AIG1: variants seen among roughly 807,000 people sequenced by gnomAD.
AIG1 encodes the protein androgen induced 1, also known as androgen-induced gene 1 protein.
In AIG1, 23 loss-of-function variants were observed where a neutral mutation model predicts 31.4. The observed-to-expected ratio is 0.73, with a 90% CI of 0.53 to 1.04. AIG1 has a LOEUF of 1.04. Ranked by LOEUF, AIG1 falls within the 50% of genes least tolerant of loss-of-function variation. AIG1 has a pLI of 0.00. For missense variants in AIG1, 274 were observed against 295.0 expected (o/e 0.93, Z 0.52); for synonymous variants, 100 against 110.5 (o/e 0.90, Z 0.60).
chr6:143,253,555 G>A (rs759730788), intron 3 of AIG1, among the ~76,000 whole-genome samples: 19 of 152,184 alleles, frequency 1.2e-4, no homozygotes, highest in Admixed American at 3.3e-4. Flanking sequence ...CTCATTAACT[G>A]TTTCCCACAG....
chr6:143,133,366 A>T (rs760158512), intron 1 of AIG1, among the ~76,000 whole-genome samples: 2 of 152,026 alleles, frequency 1.3e-5, no homozygotes, highest in Non-Finnish European at 2.9e-5. Context: ...GGCCTCTTCT[A>T]TGTGATTAGT....
rs531381665 is a variant in AIG1, at chr6:143,328,832, G to A, written c.516-4450G>A. ...ATTATGCTAATATGTGCATATATATGTATGCACACATATCATGGTTATTGA... is the reference window on the plus strand; with the variant it reads ...ATTATGCTAATATGTGCATATATATATATGCACACATATCATGGTTATTGA... On this transcript the variant is annotated intron_variant, in intron 4 of 5. Coordinates refer to ENST00000357847, the MANE Select transcript of AIG1 (RefSeq NM_016108.4). The surrounding 1 kb of genome is among the most constrained non-coding windows in gnomAD (Gnocchi z 4.0). Among the ~76,000 whole-genome samples the A allele has an allele frequency of 5.8e-4, 88 of 152,264 alleles. No individual in the cohort carries two copies. Among genetic ancestry groups the A allele is most frequent in the Non-Finnish European group, 1.1e-3 (78 of 68,020 alleles).
rs1554272164 is a variant in AIG1, at chr6:143,340,459, A to AC, written c.*783_*784insC. ...AATCTTTTTGATAACTCCAAAACAA[A>AC]TTTTTTTTTTCTTTTTTTCCAGATG... On this transcript the variant is annotated 3_prime_UTR_variant, in exon 6 of 6. Transcript: ENST00000357847. 6.6e-6 allele frequency among the ~76,000 whole-genome samples: 1 copy of AC among 150,832 alleles called. No individual in the cohort carries two copies. The highest frequency in any genetic ancestry group is 1.5e-5 in the Non-Finnish European group (1 of 67,670).
At chr6:143,188,364 G>A (rs993421627) in intron 3 of AIG1, 1 of 985,496 alleles carries the variant, frequency 1.0e-6, no homozygotes, top group Non-Finnish European at 1.2e-6. Context: ...GCTGCATAAT[G>A]TCGCCTGATT....
chr6:143,061,238 C>T (rs1412777771), intron 1 of AIG1, 172 bp downstream of exon 1: 3 of 833,024 alleles, frequency 3.6e-6, no homozygotes, highest in South Asian at 2.8e-5. Context: ...GGCCTGGCTG[C>T]CCCCGCAGCG....
intron 2 of AIG1, among the ~76,000 whole-genome samples, chr6:143,145,325 G>A (rs1784611602): frequency 2.0e-5 from 3 of 152,146 alleles, no homozygotes; most frequent in Admixed American, 2.0e-4. Flanking sequence ...TGCCCAGCCA[G>A]TATTTTCATT....
rs1468663813 is a variant in AIG1 at position 143,338,886 on chromosome 6, C to T, written c.680-753C>T. ...GTATGATTCAAAAAATGTTTAGGTACAAGAAAAAGAAAAAAGCAAGAAGCA... is the reference window on the plus strand; with the variant it reads ...GTATGATTCAAAAAATGTTTAGGTATAAGAAAAAGAAAAAAGCAAGAAGCA... On this transcript the variant is annotated intron_variant, in intron 5 of 5. Coordinates refer to ENST00000357847, the MANE Select transcript of AIG1 (RefSeq NM_016108.4). This position sits in a 1 kb window ranked among gnomAD's most constrained non-coding sequence, Gnocchi z 4.3. 1.3e-5 allele frequency: 2 copies of T among 151,948 alleles called. No homozygotes were observed. The highest frequency in any genetic ancestry group is 2.9e-5 in the Non-Finnish European group (2 of 67,968). The allele number at this position is 151,948 out of a possible 1,614,324, so 9.4% of individuals were successfully genotyped here.
At chr6:143,091,187 C>T (rs76754754) in intron 1 of AIG1, among the ~76,000 whole-genome samples, 1 of 152,070 alleles carries the variant, frequency 6.6e-6, no homozygotes, top group East Asian at 1.9e-4. Context: ...TAATTTCTAC[C>T]ACATCTGCAG....
At chr6:143,165,556 C>T (rs1350103304) in intron 3 of AIG1, among the ~76,000 whole-genome samples, 1 of 152,232 alleles carries the variant, frequency 6.6e-6, no homozygotes, top group Admixed American at 6.5e-5. Flanking sequence ...GCCCTCCGCT[C>T]CACCTGCGCC....
At chr6:143,252,143 G>A (rs954366058) in intron 3 of AIG1, among the ~76,000 whole-genome samples, 22 of 152,128 alleles carry the variant, frequency 1.4e-4, no homozygotes, top group Non-Finnish European at 3.1e-4. Context: ...TTTTGAGGCA[G>A]TGTTTCACTC....
chr6:143,308,874 G>A (rs928370607), intron 4 of AIG1, among the ~76,000 whole-genome samples: 5 of 151,868 alleles, frequency 3.3e-5, no homozygotes, highest in Non-Finnish European at 4.4e-5. Flanking sequence ...TGTAGTTTTA[G>A]CCTTTATCAT....
intron 3 of AIG1, among the ~76,000 whole-genome samples, chr6:143,274,972 A>ATATT (rs1796794654): frequency 1.3e-5 from 2 of 152,358 alleles, no homozygotes; most frequent in African/African-American, 4.8e-5. Flanking sequence ...TTGTTATTCC[A>ATATT]TATTTCTGCA....
At chr6:143,210,595 A>G (rs1196498342) in intron 3 of AIG1, among the ~76,000 whole-genome samples, 2 of 152,216 alleles carry the variant, frequency 1.3e-5, no homozygotes, top group East Asian at 3.9e-4. Flanking sequence ...GTGATGCTGA[A>G]GAAGGTAACA....
At chr6:143,313,064 G>A (rs997225017) in intron 4 of AIG1, among the ~76,000 whole-genome samples, 59 of 152,200 alleles carry the variant, frequency 3.9e-4, no homozygotes, top group African/African-American at 1.2e-3. Context: ...ACAAATGTCG[G>A]GGAGGATGTG....
In AIG1 at chr6:143,333,632, T is replaced by C. The variant is rs1186474427; in HGVS notation, c.679+187T>C. Among the ~76,000 whole-genome samples, 1 of 152,188 alleles carries C rather than the reference T, an allele frequency of 6.6e-6. No homozygotes were observed. Among genetic ancestry groups the C allele is most frequent in the African/African-American group, 2.4e-5 (1 of 41,440 alleles). On this transcript the variant is annotated intron_variant, in intron 5 of 5. Transcript: ENST00000357847. This position sits in a 1 kb window ranked among gnomAD's most constrained non-coding sequence, Gnocchi z 4.6. ...GCTGACAGTTACCTGAAAGTTTTAC[T>C]AGTCACTTGGTCTTGTTAGCTAGTA...
At chr6:143,098,086 G>C (rs1364849525) in intron 1 of AIG1, among the ~76,000 whole-genome samples, 1 of 152,138 alleles carries the variant, frequency 6.6e-6, no homozygotes, top group Admixed American at 6.5e-5. Flanking sequence ...AATAAAATTT[G>C]TCTTTGTCTT....
rs532319813 is a variant in AIG1, at chr6:143,313,592, G to A, written c.516-19690G>A. Among the ~76,000 whole-genome samples, 20 of 152,100 alleles carry A rather than the reference G, an allele frequency of 1.3e-4. No individual in the cohort carries two copies. The South Asian group carries it at 4.2e-3, about 32-fold the overall frequency. ...GTGGCAATGAGGGTTAAATGGGGAT[G>A]ATTAAAGGGTACAACAATAAAAAGA... On this transcript the variant is annotated intron_variant, in intron 4 of 5. Transcript: ENST00000357847.
intron 1 of AIG1, among the ~76,000 whole-genome samples, chr6:143,091,828 A>G (rs1045081986): frequency 5.9e-5 from 9 of 152,234 alleles, no homozygotes; most frequent in African/African-American, 2.2e-4. Context: ...AGCTATACAC[A>G]TGCATAAGAT....
chr6:143,220,504 C>T (rs1459081765), intron 3 of AIG1, among the ~76,000 whole-genome samples: 1 of 151,998 alleles, frequency 6.6e-6, no homozygotes, highest in African/African-American at 2.4e-5. Context: ...ATGCAGAAAC[C>T]GAGACTCAGA....
Sources: allele counts gnomAD v4.1 joint callset (sites outside exome capture counted in the v4.1 genomes callset), GRCh38; gene constraint gnomAD v4.1.1; non-coding constraint Gnocchi (gnomAD v3.1); transcripts MANE v1.5; gene names NCBI Gene and HGNC (gene_info 2026-07-23, HGNC 2026-07-21).